Variants in ATP8A2 observed in about 807,000 individuals in gnomAD.
ATP8A2 encodes phospholipid-transporting ATPase IB.
Under a neutral mutation model 165.6 loss-of-function variants are expected in ATP8A2, and 100 were observed. The observed-to-expected ratio is 0.60, with a 90% CI of 0.51 to 0.71. The LOEUF (loss-of-function observed/expected upper bound fraction) is 0.71. Ranked by LOEUF, ATP8A2 falls within the 30% of genes least tolerant of loss-of-function variation. ATP8A2 has a pLI of 0.00. For missense variants in ATP8A2, 1,227 were observed against 1,479.5 expected, an observed-to-expected ratio of 0.83 and a Z score of 2.80; for synonymous variants, 543 against 548.8, an observed-to-expected ratio of 0.99 and a Z score of 0.15.
intron 24 of ATP8A2, among the ~76,000 whole-genome samples, chr13:25,632,215 C>G (rs1348971863): frequency 6.6e-6 from 1 of 151,540 alleles, no homozygotes; most frequent in Non-Finnish European, 1.5e-5. Context: ...GTTCAGCAAC[C>G]TGAAAGCTCC....
intron 28 of ATP8A2, among the ~76,000 whole-genome samples, chr13:25,836,171 TTTGTTTG>T (rs1951598816): frequency 3.2e-5 from 1 of 31,696 alleles, no homozygotes; most frequent in Admixed American, 4.5e-4. Context: ...CTGTTTTTTG[TTTGTTTG>T]TTTGTTTGTT....
intron 1 of ATP8A2, among the ~76,000 whole-genome samples, chr13:25,462,424 G>A (rs2035528506): frequency 2.0e-5 from 3 of 152,146 alleles, no homozygotes; most frequent in Admixed American, 2.0e-4. Context: ...ACTACAAAGG[G>A]TACCAGTCAG....
At chr13:25,893,820 CA>C (rs1478949075) in intron 33 of ATP8A2, among the ~76,000 whole-genome samples, 4 of 152,132 alleles carry the variant, frequency 2.6e-5, no homozygotes, top group Admixed American at 2.6e-4. Flanking sequence ...AGCATTTTTT[CA>C]TGTGTTTTTT....
At chr13:25,418,202 A>G (rs917979502) in intron 1 of ATP8A2, among the ~76,000 whole-genome samples, 3 of 152,188 alleles carry the variant, frequency 2.0e-5, no homozygotes, top group Non-Finnish European at 2.9e-5. Context: ...ATGTGGAATA[A>G]TGGGACTCTG....
At chr13:25,839,733 C>A in intron 30 of ATP8A2, 109 bp downstream of exon 30, 1 of 871,398 alleles carries the variant, frequency 1.1e-6, no homozygotes, top group African/African-American at 1.7e-5. Flanking sequence ...ATCACAGGAA[C>A]ACATTTTAGA....
At chr13:25,663,823 T>G (rs979707510) in intron 24 of ATP8A2, among the ~76,000 whole-genome samples, 2 of 152,182 alleles carry the variant, frequency 1.3e-5, no homozygotes, top group Admixed American at 1.3e-4. Flanking sequence ...TTATTAACCA[T>G]AAGTGATTTA....
At chr13:25,688,403 G>T (rs560449999) in intron 24 of ATP8A2, among the ~76,000 whole-genome samples, 1,353 of 113,834 alleles carry the variant, frequency 0.012, 31 homozygotes, top group African/African-American at 0.036. Context: ...AGGTGTGTGT[G>T]TCAGGGAGAA....
chr13:25,784,966 T>A (rs923777819), intron 27 of ATP8A2, among the ~76,000 whole-genome samples: 1 of 151,670 alleles, frequency 6.6e-6, no homozygotes, highest in Non-Finnish European at 1.5e-5. Flanking sequence ...GGTTTCACCA[T>A]GTTGGTCAGG....
At chr13:26,001,716 T>C (rs901198033) in intron 35 of ATP8A2, among the ~76,000 whole-genome samples, 1 of 152,286 alleles carries the variant, frequency 6.6e-6, no homozygotes, top group South Asian at 2.1e-4. Context: ...TTTAATCAAG[T>C]TGTTTGTTTT....
chr13:25,593,572 G>C (rs752514522), intron 24 of ATP8A2, among the ~76,000 whole-genome samples: 1 of 152,124 alleles, frequency 6.6e-6, no homozygotes, highest in Non-Finnish European at 1.5e-5. Context: ...TATTTTTTCA[G>C]TTAGAAAAGT....
Position 25,543,384 on chromosome 13 carries a change from C to G in ATP8A2, c.873C>G (p.His291Gln). The G allele has an allele frequency of 6.2e-7, 1 of 1,603,052 alleles. No homozygotes were observed. The highest frequency in any genetic ancestry group is 8.5e-7 in the Non-Finnish European group (1 of 1,170,874). The change falls in exon 10 of 37, where the codon CAC becomes CAG. Residue 291 changes from histidine to glutamine, a missense_variant. His to Gln is a conservative substitution (Grantham distance 24, BLOSUM62 0). Around this residue, in one of 5 missense-constraint regions of ATP8A2, gnomAD observed 356 missense variants for 394.9 expected, o/e 0.90. Coordinates refer to ENST00000381655, the MANE Select transcript of ATP8A2 (RefSeq NM_016529.6). ...TTGGCATAGTTGTTTATACTGGACACGACACCAAACTCATGCAGGTAAAAC... is the reference window on the plus strand; with the variant it reads ...TTGGCATAGTTGTTTATACTGGACAGGACACCAAACTCATGCAGGTAAAAC... Reference protein sequence around the residue: ...WVFGIVVYTGHDTKLMQNSTK... With the variant: ...WVFGIVVYTGQDTKLMQNSTK...
chr13:25,906,225 CA>C (rs1953931636), intron 33 of ATP8A2, among the ~76,000 whole-genome samples: 1 of 151,852 alleles, frequency 6.6e-6, no homozygotes, highest in African/African-American at 2.4e-5. Flanking sequence ...CATGGCCAGC[CA>C]GTCTTTGCAT....
At chr13:25,481,002 G>A (rs1454702763) in intron 2 of ATP8A2, among the ~76,000 whole-genome samples, 4 of 152,154 alleles carry the variant, frequency 2.6e-5, no homozygotes, top group African/African-American at 4.8e-5. Context: ...AAAAAAATAT[G>A]AAAACCAGTC....
At chr13:25,460,273 C>A (rs752562235) in intron 1 of ATP8A2, among the ~76,000 whole-genome samples, 2 of 152,140 alleles carry the variant, frequency 1.3e-5, no homozygotes, top group African/African-American at 4.8e-5. Flanking sequence ...CAAAGGAAAC[C>A]GCCCCTCTCC....
intron 35 of ATP8A2, among the ~76,000 whole-genome samples, chr13:25,978,012 C>T (rs1956096478): frequency 6.6e-6 from 1 of 152,080 alleles, no homozygotes; most frequent in African/African-American, 2.4e-5. Context: ...TCTCTATTTG[C>T]CAACAAGACT....
At chr13:25,704,952 A>C (rs559631777) in intron 25 of ATP8A2, among the ~76,000 whole-genome samples, 75 of 152,300 alleles carry the variant, frequency 4.9e-4, no homozygotes, top group African/African-American at 1.8e-3. Flanking sequence ...CTGATAATAC[A>C]GTTTTGCACG....
At chr13:25,941,258 T>C (rs568840471) in intron 33 of ATP8A2, among the ~76,000 whole-genome samples, 1 of 152,290 alleles carries the variant, frequency 6.6e-6, no homozygotes, top group East Asian at 1.9e-4. Context: ...CCAGATCCTG[T>C]CTGCCCTTCA....
intron 33 of ATP8A2, among the ~76,000 whole-genome samples, chr13:25,955,664 C>T (rs886320963): frequency 9.9e-5 from 15 of 152,124 alleles, no homozygotes; most frequent in Non-Finnish European, 8.8e-5. Flanking sequence ...TGCCCAGGAC[C>T]AGACGGATTC....
intron 33 of ATP8A2, among the ~76,000 whole-genome samples, chr13:25,880,284 C>T (rs1952939708): frequency 6.7e-6 from 1 of 150,028 alleles, no homozygotes; most frequent in Non-Finnish European, 1.5e-5. Context: ...TATCTCTTGG[C>T]AAACTTTGCT....
Sources: gnomAD v4.1 joint callset for allele counts (sites outside exome capture counted in the v4.1 genomes callset) on GRCh38, gnomAD v4.1.1 for gene constraint, gnomAD v4.1.1 regional missense constraint, MANE v1.5 for transcripts, NCBI Gene and HGNC (gene_info 2026-07-23, HGNC 2026-07-21) for gene names.